The following HYDIN variants were observed in gnomAD, a reference collection of about 807,000 sequenced individuals.
The protein encoded by HYDIN is HYDIN axonemal central pair apparatus protein, also known as axonemal central pair apparatus protein HYDIN.
Under a neutral mutation model 403.9 loss-of-function variants are expected in HYDIN, and 132 were observed. The ratio of observed to expected loss-of-function variants is 0.33; its 90% CI spans 0.28 to 0.38. HYDIN has a LOEUF of 0.38. Among genes scored for constraint, HYDIN ranks in the 10% least tolerant of loss-of-function variants. The probability of loss-of-function intolerance (pLI) is 1.00; values close to 1 mark genes in which losing one functional copy is unlikely to be tolerated. For synonymous variants in HYDIN, 1,202 were observed against 1,891.7 expected (o/e 0.64, Z 9.46); for missense variants, 2,827 against 5,009.5 (o/e 0.56, Z 13.15).
At chr16:71,219,237 A>T (rs902174736) in intron 1 of HYDIN, among the ~76,000 whole-genome samples, 8 of 152,212 alleles carry the variant, frequency 5.3e-5, no homozygotes, top group Non-Finnish European at 1.0e-4. Context: ...CAGTCAGATC[A>T]TAATGTTATT....
intron 13 of HYDIN, 66 bp downstream of exon 13, chr16:71,079,819 T>C (rs1395282304): frequency 2.1e-5 from 14 of 681,534 alleles, no homozygotes; most frequent in Non-Finnish European, 3.7e-5. Flanking sequence ...TTTGTAAACC[T>C]TCCTCCTTCC....
rs142894455 is a variant in HYDIN at position 71,067,373 on chromosome 16, G to A, written c.1992C>T (p.Asn664=). 3 of 1,608,848 alleles carry A rather than the reference G, an allele frequency of 1.9e-6. No individual in the cohort carries two copies. Among genetic ancestry groups the A allele is most frequent in the South Asian group, 1.1e-5 (1 of 90,000 alleles). ...FAAIRVTLCS[N]TVQKYELALV... is the part of the protein sequence containing the mutation. Reference sequence around the variant, plus strand: ...GTGCCAGCTCGTATTTCTGCACAGTGTTGGAGCATAATGTCACCTGGAAAG... The same window carrying A: ...GTGCCAGCTCGTATTTCTGCACAGTATTGGAGCATAATGTCACCTGGAAAG... The change falls in exon 15 of 86, where the codon AAC becomes AAT. Residue 664 remains asparagine (N), a synonymous_variant. Transcript: ENST00000393567.
At chr16:70,854,091 G>A (rs1391677238) in intron 73 of HYDIN, among the ~76,000 whole-genome samples, 1 of 151,374 alleles carries the variant, frequency 6.6e-6, no homozygotes, top group African/African-American at 2.4e-5. Context: ...TGTTGGCCAG[G>A]CTAGTCTCGA....
chr16:70,881,985 A>G (rs1338440429), intron 60 of HYDIN, among the ~76,000 whole-genome samples: 2 of 152,264 alleles, frequency 1.3e-5, no homozygotes, highest in Admixed American at 6.5e-5. Context: ...GAAAAAAAGT[A>G]TGATCTGACT....
At chr16:70,834,401 C>T (rs2037227018) in intron 78 of HYDIN, among the ~76,000 whole-genome samples, 1 of 151,782 alleles carries the variant, frequency 6.6e-6, no homozygotes. Context: ...GTATCATTTC[C>T]CTTTCCTGAC....
chr16:71,167,064 CA>C (rs1223124037), intron 5 of HYDIN, among the ~76,000 whole-genome samples: 12 of 140,034 alleles, frequency 8.6e-5, no homozygotes, highest in African/African-American at 3.1e-4. Context: ...GACTCTGTCT[CA>C]AAAAAATTAA....
At chr16:70,982,365 G>A (rs554521003) in intron 28 of HYDIN, among the ~76,000 whole-genome samples, 34 of 151,342 alleles carry the variant, frequency 2.2e-4, no homozygotes, top group African/African-American at 6.6e-4. Flanking sequence ...ATATGGCATT[G>A]GAAGCAAGTT....
chr16:70,926,617 A>G (rs963314785), intron 45 of HYDIN, among the ~76,000 whole-genome samples: 1 of 151,862 alleles, frequency 6.6e-6, no homozygotes, highest in African/African-American at 2.4e-5. Context: ...ATAATAATAA[A>G]AAAAAAATAC....
At chr16:70,938,537 C>G (rs1049825212) in intron 44 of HYDIN, 77 bp downstream of exon 44, 8 of 891,152 alleles carry the variant, frequency 9.0e-6, no homozygotes, top group African/African-American at 1.6e-5. Flanking sequence ...GGCTTGGGCT[C>G]ACACCCCGGT....
At chr16:70,892,856 T>C (rs2041555766) in intron 55 of HYDIN, among the ~76,000 whole-genome samples, 2 of 152,234 alleles carry the variant, frequency 1.3e-5, no homozygotes, top group Admixed American at 6.5e-5. Flanking sequence ...TTTGTGTCTG[T>C]CTGGCTTTCA....
At chr16:71,170,870 G>A (rs1389365620) in intron 5 of HYDIN, among the ~76,000 whole-genome samples, 3 of 152,152 alleles carry the variant, frequency 2.0e-5, no homozygotes, top group Non-Finnish European at 4.4e-5. Context: ...GGAAGGGGCA[G>A]GACAGATGAA....
intron 6 of HYDIN, among the ~76,000 whole-genome samples, chr16:71,156,646 A>G (rs2085779512): frequency 6.6e-6 from 1 of 152,120 alleles, no homozygotes; most frequent in African/African-American, 2.4e-5. Flanking sequence ...GCTCTTCTTA[A>G]GAACTAAAAC....
At chr16:71,049,782 A>G (rs1477198655) in intron 18 of HYDIN, among the ~76,000 whole-genome samples, 2 of 146,370 alleles carry the variant, frequency 1.4e-5, no homozygotes, top group Non-Finnish European at 3.0e-5. Flanking sequence ...AGCGGCTATA[A>G]CCAATTACAA....
chr16:71,163,119 C>CTTT (rs71272746), intron 5 of HYDIN, among the ~76,000 whole-genome samples: 66 of 120,740 alleles, frequency 5.5e-4, no homozygotes, highest in East Asian at 1.0e-3. Flanking sequence ...AATGATGTTT[C>CTTT]TTTTTTTTTT....
At chr16:71,156,956 A>ATTATGC (rs1256711972) in intron 6 of HYDIN, among the ~76,000 whole-genome samples, 10 of 151,334 alleles carry the variant, frequency 6.6e-5, no homozygotes, top group Admixed American at 2.6e-4. Context: ...GTGTAAAATT[A>ATTATGC]TTATGCTTAT....
intron 23 of HYDIN, among the ~76,000 whole-genome samples, chr16:70,996,018 C>G (rs2079520937): frequency 6.6e-6 from 1 of 150,524 alleles, no homozygotes; most frequent in African/African-American, 2.4e-5. Context: ...TGCCTTCCCT[C>G]TCATTAGGGT....
chr16:70,902,534 G>A lies in HYDIN; in HGVS notation c.8849+1091C>T, dbSNP rs528573176. ...CTCAGGAGGCTGAGGCAGGAGAATC[G>A]CTTGAATCCGGGAGGCAGAGGTTGC... On this transcript the variant is annotated intron_variant, in intron 52 of 85. Coordinates refer to ENST00000393567, the MANE Select transcript of HYDIN (RefSeq NM_001270974.2). 1.8e-4 allele frequency among the ~76,000 whole-genome samples: 26 copies of A among 146,712 alleles called. No homozygotes were observed. The South Asian group carries it at 2.4e-3, about 13-fold the overall frequency.
chr16:71,060,217 G>T (rs1393810311), intron 18 of HYDIN, among the ~76,000 whole-genome samples: 3 of 151,916 alleles, frequency 2.0e-5, no homozygotes, highest in Non-Finnish European at 4.4e-5. Flanking sequence ...GTACTTGCCT[G>T]TTTACCAAAA....
intron 22 of HYDIN, among the ~76,000 whole-genome samples, chr16:71,019,435 A>G (rs1167680040): frequency 6.6e-6 from 1 of 152,296 alleles, no homozygotes; most frequent in Non-Finnish European, 1.5e-5. Flanking sequence ...TCAGAGAGAG[A>G]GTAATGACTC....
Sources: gnomAD v4.1 joint callset for allele counts (sites outside exome capture counted in the v4.1 genomes callset) on GRCh38, gnomAD v4.1.1 for gene constraint, MANE v1.5 for transcripts, NCBI Gene and HGNC (gene_info 2026-07-23, HGNC 2026-07-21) for gene names.